Variants in BLOC1S5 observed in about 807,000 individuals in gnomAD.
BLOC1S5 encodes biogenesis of lysosomal organelles complex 1 subunit 5.
In BLOC1S5, 27 loss-of-function variants were observed where a neutral mutation model predicts 24.3. The observed-to-expected ratio is 1.11, with a 90% CI of 0.82 to 1.53. BLOC1S5 has a LOEUF of 1.53. BLOC1S5 is among the 40% of genes most tolerant of loss of function. The pLI is 0.00. For synonymous variants in BLOC1S5, 84 were observed against 74.5 expected, an observed-to-expected ratio of 1.13 and a Z score of -0.66; for missense variants, 239 against 229.4, an observed-to-expected ratio of 1.04 and a Z score of -0.27.
chr6:8,040,641 G>A (rs892695636), intron 3 of BLOC1S5, among the ~76,000 whole-genome samples: 16 of 152,128 alleles, frequency 1.1e-4, no homozygotes, highest in Non-Finnish European at 1.8e-4. Flanking sequence ...GGTGGATCAC[G>A]AGTCAAGAGA....
intron 4 of BLOC1S5, among the ~76,000 whole-genome samples, chr6:8,017,089 C>T (rs1440361942): frequency 6.6e-6 from 1 of 152,066 alleles, no homozygotes; most frequent in East Asian, 1.9e-4. Context: ...TTAGTTTTCT[C>T]CCCCCTTCCA....
intron 2 of BLOC1S5, among the ~76,000 whole-genome samples, chr6:8,042,504 T>C (rs754930913): frequency 2.6e-5 from 4 of 152,262 alleles, no homozygotes; most frequent in Non-Finnish European, 5.9e-5. Flanking sequence ...AGTGGTTCAC[T>C]GTGCCTAAAT....
intron 2 of BLOC1S5, among the ~76,000 whole-genome samples, chr6:8,048,809 TC>T (rs1763996710): frequency 6.6e-6 from 1 of 151,238 alleles, no homozygotes; most frequent in Admixed American, 6.6e-5. Context: ...GGTCAGGAGT[TC>T]AAGACCAACC....
chr6:8,064,272 A>T lies in BLOC1S5; in HGVS notation c.105T>A (p.Ile35=), dbSNP rs750216049. The change falls in exon 1 of 5, where the codon ATT becomes ATA. Residue 35 remains isoleucine (I), a synonymous_variant. Transcript: ENST00000397457. ...SLGTAGSAHL[I]IKDLGEIHSR... ...AGCCCTGACACTCCGTACCCTTGATAATGAGGTGCGCTGAGCCCGCAGTCC... is the reference window on the plus strand; with the variant it reads ...AGCCCTGACACTCCGTACCCTTGATTATGAGGTGCGCTGAGCCCGCAGTCC... The T allele has an allele frequency of 6.2e-7, 1 of 1,613,150 alleles. No homozygotes were observed. The highest frequency in any genetic ancestry group is 1.3e-5 in the African/African-American group (1 of 74,974).
chr6:8,033,032 C>T lies in BLOC1S5; in HGVS notation c.326-6607G>A, dbSNP rs183500674. On this transcript the variant is annotated intron_variant, in intron 3 of 4. Transcript: ENST00000397457. ...GCTCATGGATAGGAAGAATCAATATCGTGAAAATGGCCATACTGCCCAAGG... is the reference window on the plus strand; with the variant it reads ...GCTCATGGATAGGAAGAATCAATATTGTGAAAATGGCCATACTGCCCAAGG... 4.9e-4 allele frequency among the ~76,000 whole-genome samples: 74 copies of T among 152,188 alleles called. 1 individual carries two copies. The East Asian group carries it at 9.6e-3, about 20-fold the overall frequency.
At chr6:8,057,504 A>G (rs1349892705) in intron 2 of BLOC1S5, among the ~76,000 whole-genome samples, 1 of 152,264 alleles carries the variant, frequency 6.6e-6, no homozygotes, top group Non-Finnish European at 1.5e-5. Context: ...ATCTGATAGC[A>G]TTAGAGAGAA....
At chr6:8,029,507 C>A (rs760638428) in intron 3 of BLOC1S5, among the ~76,000 whole-genome samples, 1 of 152,278 alleles carries the variant, frequency 6.6e-6, no homozygotes, top group Non-Finnish European at 1.5e-5. Flanking sequence ...TTTGTGATAC[C>A]CGAGGGCAGA....
At chr6:8,039,255 G>T (rs1041487922) in intron 3 of BLOC1S5, among the ~76,000 whole-genome samples, 1 of 152,186 alleles carries the variant, frequency 6.6e-6, no homozygotes, top group Non-Finnish European at 1.5e-5. Flanking sequence ...CATGAATATA[G>T]AGAGTAGACT....
At chr6:8,032,776 A>G (rs1307463660) in intron 3 of BLOC1S5, among the ~76,000 whole-genome samples, 1 of 152,236 alleles carries the variant, frequency 6.6e-6, no homozygotes, top group African/African-American at 2.4e-5. Flanking sequence ...AACTTCAGCA[A>G]AGTCTCAGGA....
At chr6:8,025,261 T>G (rs1763066313) in intron 4 of BLOC1S5, among the ~76,000 whole-genome samples, 1 of 152,198 alleles carries the variant, frequency 6.6e-6, no homozygotes, top group Middle Eastern at 3.2e-3. Flanking sequence ...TCATCCCCTG[T>G]GGCACCTAGC....
intron 3 of BLOC1S5, among the ~76,000 whole-genome samples, chr6:8,030,450 G>A (rs150380071): frequency 0.039 from 5,915 of 151,442 alleles, 366 homozygotes; most frequent in African/African-American, 0.13. Context: ...GAGCCACCAC[G>A]CCTGGCCAGA....
chr6:8,035,496 T>C (rs1320025403), intron 3 of BLOC1S5, among the ~76,000 whole-genome samples: 1 of 152,072 alleles, frequency 6.6e-6, no homozygotes, highest in Non-Finnish European at 1.5e-5. Context: ...TTGGGTGAAA[T>C]GTTCAGTAAA....
chr6:8,041,596 G>A (rs1465983832), intron 2 of BLOC1S5, among the ~76,000 whole-genome samples: 2 of 150,270 alleles, frequency 1.3e-5, no homozygotes, highest in Non-Finnish European at 3.0e-5. Flanking sequence ...ATAATCGTGA[G>A]CCACTGCGCC....
At chr6:8,016,532 G>C (rs1762741302) in intron 4 of BLOC1S5, among the ~76,000 whole-genome samples, 1 of 152,016 alleles carries the variant, frequency 6.6e-6, no homozygotes, top group African/African-American at 2.4e-5. Context: ...AAGTGCATTA[G>C]AAAGAATCAT....
chr6:8,054,181 G>C (rs774400874), intron 2 of BLOC1S5: 2 of 398,526 alleles, frequency 5.0e-6, no homozygotes, highest in Non-Finnish European at 9.9e-6. Flanking sequence ...CCTCCTTTTT[G>C]GGATCCAATT....
chr6:8,029,727 C>A (rs377351755), intron 3 of BLOC1S5, among the ~76,000 whole-genome samples: 1 of 152,306 alleles, frequency 6.6e-6, no homozygotes, highest in African/African-American at 2.4e-5. Context: ...TATCCCTTTG[C>A]GGACCTCCCC....
chr6:8,038,827 G>A lies in BLOC1S5; in HGVS notation c.325+2312C>T, dbSNP rs139549000. On this transcript the variant is annotated intron_variant, in intron 3 of 4. Transcript: ENST00000397457. ...AAGATGAAGAATAATGGATACTGGC[G>A]AGGATGTGGAGAAAAGGGAACTCTC... 1.2e-4 allele frequency among the ~76,000 whole-genome samples: 18 copies of A among 152,296 alleles called. No individual in the cohort carries two copies. In the East Asian group the frequency reaches 2.9e-3, roughly 25 times the overall value.
chr6:8,016,920 G>A (rs1221193840), intron 4 of BLOC1S5, among the ~76,000 whole-genome samples: 4 of 145,654 alleles, frequency 2.7e-5, no homozygotes, highest in African/African-American at 1.0e-4. Context: ...GTCAGTTCTA[G>A]TCCTTAAAGC....
Position 8,015,544 on chromosome 6 carries a change from T to C in BLOC1S5, c.*105A>G. The C allele has an allele frequency of 8.7e-7, 1 of 1,150,562 alleles. No homozygotes were observed. The highest frequency in any genetic ancestry group is 1.2e-6 in the Non-Finnish European group (1 of 817,744). 71.3% of individuals were successfully genotyped at this position (1,150,562 alleles called of 1,614,324 possible). A position where few individuals can be genotyped will look rare whatever the true frequency, so the allele number is the denominator to read the frequency against. On this transcript the variant is annotated 3_prime_UTR_variant, in exon 5 of 5. Coordinates refer to ENST00000397457, the MANE Select transcript of BLOC1S5 (RefSeq NM_201280.3). Reference sequence around the variant, plus strand: ...CTTCTGATATAAGAGTGCCACTGAATATATTGCTAAGCTTGAAGCAGAGGC... The same window carrying C: ...CTTCTGATATAAGAGTGCCACTGAACATATTGCTAAGCTTGAAGCAGAGGC...
Sources: allele counts gnomAD v4.1 joint callset (sites outside exome capture counted in the v4.1 genomes callset), GRCh38; gene constraint gnomAD v4.1.1; transcripts MANE v1.5; gene names NCBI Gene and HGNC (gene_info 2026-07-23, HGNC 2026-07-21).